GSK3B: variants seen among roughly 807,000 people sequenced by gnomAD.
GSK3B encodes the protein glycogen synthase kinase-3 beta.
Under a neutral mutation model 56.4 loss-of-function variants are expected in GSK3B, and 15 were observed. That is an observed-to-expected ratio of 0.27 (90% CI 0.18 to 0.41). The LOEUF (loss-of-function observed/expected upper bound fraction) is 0.41. GSK3B is among the 10% of genes least tolerant of loss of function. GSK3B has a pLI of 1.00. For synonymous variants in GSK3B, 181 were observed against 188.9 expected (o/e 0.96, Z 0.34); for missense variants, 300 against 513.4 (o/e 0.58, Z 4.02).
intron 10 of GSK3B, among the ~76,000 whole-genome samples, chr3:119,831,959 A>G (rs2055608642): frequency 1.3e-5 from 2 of 152,182 alleles, no homozygotes; most frequent in African/African-American, 2.4e-5. Flanking sequence ...ATCCCTACAC[A>G]CTGTGGTAGC....
intron 2 of GSK3B, among the ~76,000 whole-genome samples, chr3:120,000,956 A>G (rs13314836): frequency 0.065 from 7,405 of 114,084 alleles, 753 homozygotes; most frequent in African/African-American, 0.24. Flanking sequence ...ACAGAGTCTC[A>G]CTCTGTCCCC....
intron 2 of GSK3B, among the ~76,000 whole-genome samples, chr3:119,974,108 G>A (rs1295427758): frequency 6.6e-6 from 1 of 152,188 alleles, no homozygotes; most frequent in African/African-American, 2.4e-5. Flanking sequence ...AATTTGGTAA[G>A]TTGAACTTCG....
intron 9 of GSK3B, among the ~76,000 whole-genome samples, chr3:119,861,921 C>A (rs555029598): frequency 6.6e-6 from 1 of 152,172 alleles, no homozygotes; most frequent in South Asian, 2.1e-4. Flanking sequence ...CACAGAATCA[C>A]ATAAGCACTC....
chr3:119,841,423 T>C lies in GSK3B; in HGVS notation c.1195+1832A>G, dbSNP rs184478288. ...AGCCATTCTAGTAAAACTGTAGAAA[T>C]GAGCTCAGTAAGTAAATGTGTTAGT... On this transcript the variant is annotated intron_variant, in intron 10 of 10. Transcript: ENST00000264235. Among the ~76,000 whole-genome samples, 535 of 152,288 alleles carry C rather than the reference T, an allele frequency of 3.5e-3. 12 individuals carry two copies. Among genetic ancestry groups the C allele is most frequent in the Non-Finnish European group, 4.4e-4 (30 of 68,020 alleles).
intron 1 of GSK3B, among the ~76,000 whole-genome samples, chr3:120,026,589 G>A (rs182727301): frequency 4.7e-4 from 66 of 141,808 alleles, no homozygotes; most frequent in African/African-American, 1.5e-3. Context: ...TCTTTGAGAC[G>A]GAGTCTCACT....
At chr3:119,879,576 T>C (rs985582312) in intron 7 of GSK3B, among the ~76,000 whole-genome samples, 18 of 152,186 alleles carry the variant, frequency 1.2e-4, no homozygotes, top group South Asian at 2.1e-4. Flanking sequence ...TGTTGTGCTA[T>C]GAAATACTAG....
At chr3:119,927,535 C>A (rs1221297839) in intron 3 of GSK3B, among the ~76,000 whole-genome samples, 1 of 151,960 alleles carries the variant, frequency 6.6e-6, no homozygotes, top group African/African-American at 2.4e-5. Context: ...CTTGGGCAAC[C>A]AAATAGGTGA....
intron 3 of GSK3B, among the ~76,000 whole-genome samples, chr3:119,944,887 G>A (rs1002487831): frequency 1.3e-5 from 2 of 152,104 alleles, no homozygotes; most frequent in African/African-American, 4.8e-5. Flanking sequence ...CATCTTCAAG[G>A]ATTTGCAAGA....
intron 1 of GSK3B, among the ~76,000 whole-genome samples, chr3:120,045,308 C>A (rs988521863): frequency 7.2e-5 from 11 of 152,174 alleles, no homozygotes; most frequent in African/African-American, 2.7e-4. Context: ...TTCTCAAACT[C>A]AACTTTCTTG....
At chr3:119,926,265 T>C (rs1034247872) in intron 3 of GSK3B, among the ~76,000 whole-genome samples, 8 of 151,936 alleles carry the variant, frequency 5.3e-5, no homozygotes, top group African/African-American at 1.9e-4. Flanking sequence ...TATCTGGTAT[T>C]GCTCTGGCTG....
At chr3:119,948,942 T>C (rs927668100) in intron 2 of GSK3B, among the ~76,000 whole-genome samples, 1 of 152,172 alleles carries the variant, frequency 6.6e-6, no homozygotes, top group African/African-American at 2.4e-5. Context: ...CCTCAGACAA[T>C]CCACCTGCCT....
At chr3:119,867,231 AAGGATC>A (rs2056194824) in intron 8 of GSK3B, among the ~76,000 whole-genome samples, 1 of 152,208 alleles carries the variant, frequency 6.6e-6, no homozygotes, top group Non-Finnish European at 1.5e-5. Flanking sequence ...GTGAGCTAAG[AAGGATC>A]AGGCCACCGC....
In GSK3B at chr3:119,829,087, C is replaced by T. The variant is rs72967123; in HGVS notation, c.1196-2232G>A. The stretch of plus-strand genomic sequence containing the variant: ...TGAGGAACTATGCTAACACTTCATT[C>T]GTGACTCCTGACCTTCCTTAGATAT... On this transcript the variant is annotated intron_variant, in intron 10 of 10. Transcript: ENST00000264235. Among the ~76,000 whole-genome samples the T allele has an allele frequency of 2.1e-4, 32 of 152,336 alleles. 1 individual carries two copies. Among genetic ancestry groups the T allele is most frequent in the South Asian group, 8.3e-4 (4 of 4,826 alleles).
chr3:119,833,821 G>A (rs2055644406), intron 10 of GSK3B, among the ~76,000 whole-genome samples: 1 of 150,956 alleles, frequency 6.6e-6, no homozygotes, highest in African/African-American at 2.4e-5. Context: ...TTCCCGAGTA[G>A]CTGGGATTAA....
intron 7 of GSK3B, among the ~76,000 whole-genome samples, chr3:119,882,432 C>G (rs1175445062): frequency 6.6e-6 from 1 of 152,066 alleles, no homozygotes; most frequent in Non-Finnish European, 1.5e-5. Flanking sequence ...ACAGTGAACA[C>G]CAACCCACTA....
At chr3:119,849,824 A>G (rs1366566993) in intron 9 of GSK3B, among the ~76,000 whole-genome samples, 2 of 151,830 alleles carry the variant, frequency 1.3e-5, no homozygotes, top group Non-Finnish European at 2.9e-5. Context: ...TTTATTTTTT[A>G]TTTTATTTTT....
chr3:119,990,226 A>G (rs988668613), intron 2 of GSK3B, among the ~76,000 whole-genome samples: 1 of 152,054 alleles, frequency 6.6e-6, no homozygotes, highest in African/African-American at 2.4e-5. Flanking sequence ...CTGGCCGGAA[A>G]GATGTCTGCC....
intron 2 of GSK3B, among the ~76,000 whole-genome samples, chr3:119,979,892 C>G (rs917734082): frequency 1.3e-5 from 2 of 152,108 alleles, no homozygotes; most frequent in African/African-American, 4.8e-5. Flanking sequence ...TGTCTTCCAG[C>G]TATACCTGTT....
intron 2 of GSK3B, among the ~76,000 whole-genome samples, chr3:119,969,070 T>C (rs1306977597): frequency 6.6e-6 from 1 of 151,932 alleles, no homozygotes; most frequent in Non-Finnish European, 1.5e-5. Flanking sequence ...GGTGGGTGGA[T>C]CACCTGAGGT....
Sources: allele counts gnomAD v4.1 joint callset (sites outside exome capture counted in the v4.1 genomes callset), GRCh38; gene constraint gnomAD v4.1.1; transcripts MANE v1.5; gene names NCBI Gene and HGNC (gene_info 2026-07-23, HGNC 2026-07-21).